Variants in PKIG observed in about 807,000 individuals in gnomAD.
PKIG encodes cAMP-dependent protein kinase inhibitor gamma.
Under a neutral mutation model 6.8 loss-of-function variants are expected in PKIG, and 1 was observed. The ratio of observed to expected loss-of-function variants is 0.15; its 90% CI spans 0.05 to 0.69. The LOEUF (loss-of-function observed/expected upper bound fraction) is 0.69. Ranked by LOEUF, PKIG falls within the 30% of genes least tolerant of loss-of-function variation. PKIG has a pLI of 0.82. For missense variants in PKIG, 77 were observed against 104.0 expected (o/e 0.74, Z 1.13); for synonymous variants, 39 against 43.0 (o/e 0.91, Z 0.36).
At chr20:44,554,975 G>A (rs1279805885) in intron 1 of PKIG, among the ~76,000 whole-genome samples, 3 of 151,940 alleles carry the variant, frequency 2.0e-5, no homozygotes, top group Non-Finnish European at 2.9e-5. Context: ...AAATTGTTAC[G>A]GTTTTGGGTT....
At position 44,614,267 on chromosome 20, in the gene PKIG, A is replaced by G. The variant is rs2065244053; in HGVS notation, c.-23-267A>G. 3.2e-6 allele frequency: 1 copy of G among 308,032 alleles called. No individual in the cohort carries two copies. Among genetic ancestry groups the G allele is most frequent in the Non-Finnish European group, 6.1e-6 (1 of 164,054 alleles). 19.1% of individuals were successfully genotyped at this position (308,032 alleles called of 1,614,324 possible). The stretch of plus-strand genomic sequence containing the variant: ...GTGCCAGTGCCTGGCGCATGGTATT[A>G]ATAAATGTGTGTACATGTTTGTCAA... On this transcript the variant is annotated intron_variant, in intron 2 of 3. Transcript: ENST00000372886. The surrounding 1 kb of genome is among the most constrained non-coding windows in gnomAD (Gnocchi z 4.6).
chr20:44,533,622 A>G (rs1201907371), intron 1 of PKIG, among the ~76,000 whole-genome samples: 2 of 152,178 alleles, frequency 1.3e-5, no homozygotes, highest in African/African-American at 2.4e-5. Context: ...AGCCAAAAGC[A>G]GTCCACTACA....
upstream of PKIG, among the ~76,000 whole-genome samples, chr20:44,580,628 G>A (rs1757608584): frequency 6.6e-6 from 1 of 152,100 alleles, no homozygotes; most frequent in Admixed American, 6.6e-5. Flanking sequence ...GATTACAGGT[G>A]TGAGCCACCG....
chr20:44,602,134 T>C (rs1010497055), intron 2 of PKIG, among the ~76,000 whole-genome samples: 2 of 152,144 alleles, frequency 1.3e-5, no homozygotes, highest in African/African-American at 4.8e-5. Context: ...TACCAAAACC[T>C]CCTGAGGATG....
At chr20:44,544,925 C>CTTTTTTTTTTTTTTTTTTTTTTTTTTT (rs796482642) in intron 1 of PKIG, among the ~76,000 whole-genome samples, 6 of 64,388 alleles carry the variant, frequency 9.3e-5, no homozygotes, top group African/African-American at 2.2e-4. Flanking sequence ...TTCCTTCTTT[C>CTTTTTTTTTTTTTTTTTTTTTTTTTTT]TTTTTTTTTT....
intron 2 of PKIG, among the ~76,000 whole-genome samples, chr20:44,612,008 CCATT>C (rs2065224422): frequency 6.6e-6 from 1 of 151,994 alleles, no homozygotes; most frequent in African/African-American, 2.4e-5. Context: ...TTTTCTGTAT[CCATT>C]CAATCATGTT....
intron 2 of PKIG, among the ~76,000 whole-genome samples, chr20:44,610,265 C>G (rs1023840369): frequency 6.6e-6 from 1 of 152,156 alleles, no homozygotes; most frequent in African/African-American, 2.4e-5. Context: ...GGGTCTTGCC[C>G]AGGGTTAGGT....
rs559846553 is a variant in PKIG, at chr20:44,610,500, T to TCACACACACACACACACACACACACACA, written c.-23-4032_-23-4005dup. Among the ~76,000 whole-genome samples, 64 of 135,474 alleles carry TCACACACACACACACACACACACACACA rather than the reference T, an allele frequency of 4.7e-4. 1 individual carries two copies. The highest frequency in any genetic ancestry group is 1.2e-3 in the South Asian group (5 of 4,334). The allele number at this position is 135,474 out of a possible 152,430, so 88.9% of individuals were successfully genotyped here. ...TCTCTCTCTCTTCTCTCTCTCTCTCTCACACACACACACACACACACACAC... is the reference window on the plus strand; with the variant it reads ...TCTCTCTCTCTTCTCTCTCTCTCTCTCACACACACACACACACACACACACACACACACACACACACACACACACACAC... On this transcript the variant is annotated intron_variant, in intron 2 of 3. Coordinates refer to ENST00000372886, the MANE Select transcript of PKIG (RefSeq NM_001281445.2).
chr20:44,540,200 A>G (rs917564677), intron 1 of PKIG, among the ~76,000 whole-genome samples: 1 of 152,102 alleles, frequency 6.6e-6, no homozygotes, highest in African/African-American at 2.4e-5. Context: ...ACCTCCAGTG[A>G]TCAACCTGCC....
intron 2 of PKIG, among the ~76,000 whole-genome samples, chr20:44,601,131 G>A (rs1159796023): frequency 6.6e-6 from 1 of 152,176 alleles, no homozygotes; most frequent in East Asian, 1.9e-4. Context: ...GAAATGAGTT[G>A]GAAGAGGAGG....
chr20:44,564,151 G>A (rs181956067), intron 1 of PKIG: 47 of 152,254 alleles, frequency 3.1e-4, no homozygotes, highest in Admixed American at 2.9e-3. Context: ...TTGGGGTGAG[G>A]TAAAAGACTA....
chr20:44,539,621 G>C (rs2064543231), intron 1 of PKIG, among the ~76,000 whole-genome samples: 1 of 151,890 alleles, frequency 6.6e-6, no homozygotes, highest in Non-Finnish European at 1.5e-5. Context: ...GTTTCACCAT[G>C]TTGACCAGGC....
chr20:44,579,032 GAAT>G (rs1376710389), upstream of PKIG, among the ~76,000 whole-genome samples: 2 of 152,094 alleles, frequency 1.3e-5, no homozygotes, highest in African/African-American at 4.8e-5. Context: ...AAAATAAACA[GAAT>G]ATTACCTGGC....
At chr20:44,584,754 C>G (rs1298390551) in intron 1 of PKIG, among the ~76,000 whole-genome samples, 1 of 150,018 alleles carries the variant, frequency 6.7e-6, no homozygotes, top group African/African-American at 2.5e-5. Context: ...GAGTCTCACT[C>G]TGTCTCCCAG....
chr20:44,586,989 C>T (rs906795760), intron 1 of PKIG, among the ~76,000 whole-genome samples: 3 of 152,122 alleles, frequency 2.0e-5, no homozygotes, highest in Admixed American at 6.5e-5. Flanking sequence ...TTCATGGCAC[C>T]GAAGAAAGTA....
At chr20:44,589,571 A>G (rs752242646) in intron 1 of PKIG, among the ~76,000 whole-genome samples, 4 of 152,178 alleles carry the variant, frequency 2.6e-5, no homozygotes, top group Non-Finnish European at 5.9e-5. Flanking sequence ...TTTTGCTACT[A>G]TACAGTATTT....
chr20:44,544,820 G>T (rs1450064186), intron 1 of PKIG, among the ~76,000 whole-genome samples: 1 of 152,110 alleles, frequency 6.6e-6, no homozygotes, highest in East Asian at 1.9e-4. Flanking sequence ...ACAGGAGGCG[G>T]CCAACAATGT....
chr20:44,556,011 T>C (rs1322765697), intron 1 of PKIG, among the ~76,000 whole-genome samples: 1 of 152,058 alleles, frequency 6.6e-6, no homozygotes, highest in Admixed American at 6.5e-5. Context: ...TGGCTAATTT[T>C]TGTATTTTTA....
At chr20:44,581,551 C>T (rs1199841976), upstream of PKIG, among the ~76,000 whole-genome samples, 1 of 152,192 alleles carries the variant, frequency 6.6e-6, no homozygotes, top group Admixed American at 6.5e-5. Context: ...TACCATCAAG[C>T]ACTCTCCAAA....
Sources: gnomAD v4.1 joint callset for allele counts (sites outside exome capture counted in the v4.1 genomes callset) on GRCh38, gnomAD v4.1.1 for gene constraint, Gnocchi (gnomAD v3.1) non-coding constraint, MANE v1.5 for transcripts, NCBI Gene and HGNC (gene_info 2026-07-23, HGNC 2026-07-21) for gene names.